Variants in PCCA observed in about 807,000 individuals in gnomAD.
The protein encoded by PCCA is propionyl-CoA carboxylase subunit alpha, also known as propionyl-CoA carboxylase alpha chain, mitochondrial.
Under a neutral mutation model 101.3 loss-of-function variants are expected in PCCA, and 74 were observed. That is an observed-to-expected ratio of 0.73 (90% CI 0.61 to 0.89). PCCA has a LOEUF of 0.89. PCCA is among the 40% of genes least tolerant of loss of function. The probability of loss-of-function intolerance (pLI) is 0.00; values close to 1 mark genes in which losing one functional copy is unlikely to be tolerated. For synonymous variants in PCCA, 294 were observed against 313.6 expected (o/e 0.94, Z 0.66); for missense variants, 891 against 907.0 (o/e 0.98, Z 0.23).
chr13:100,416,191 T>A (rs939494540), intron 19 of PCCA, among the ~76,000 whole-genome samples: 34 of 141,096 alleles, frequency 2.4e-4, no homozygotes, highest in African/African-American at 8.8e-4. Flanking sequence ...TAAATCATGG[T>A]TTTTTTTTTT....
intron 21 of PCCA, among the ~76,000 whole-genome samples, chr13:100,496,084 G>C (rs537811940): frequency 1.1e-3 from 166 of 152,208 alleles, no homozygotes; most frequent in Non-Finnish European, 2.0e-3. Context: ...ATCGACACAG[G>C]ACAACATTCC....
chr13:100,297,104 T>A (rs1366278798), intron 12 of PCCA, among the ~76,000 whole-genome samples: 1 of 152,224 alleles, frequency 6.6e-6, no homozygotes, highest in Non-Finnish European at 1.5e-5. Flanking sequence ...TGGGCAGGAA[T>A]AGAAATGACA....
intron 19 of PCCA, among the ~76,000 whole-genome samples, chr13:100,419,768 G>T (rs1449995417): frequency 6.6e-6 from 1 of 152,210 alleles, no homozygotes; most frequent in Non-Finnish European, 1.5e-5. Context: ...GTGAAGGAAA[G>T]AGCATGGCTG....
intron 4 of PCCA, among the ~76,000 whole-genome samples, chr13:100,153,720 A>G (rs2053603041): frequency 6.6e-6 from 1 of 152,140 alleles, no homozygotes; most frequent in Non-Finnish European, 1.5e-5. Context: ...GAACACAGGG[A>G]TATTTAGAAG....
rs2087970099 is a variant in PCCA, at chr13:100,527,761, C to G, written c.2118+9C>G. The G allele has an allele frequency of 6.2e-7, 1 of 1,600,396 alleles. No individual in the cohort carries two copies. The highest frequency in any genetic ancestry group is 1.3e-5 in the African/African-American group (1 of 74,812). ...CTGGGAAAACTGGCACGGTGAGTCC[C>G]TAAGTCCCCATCAGCCCAGGCCGGC... On this transcript the variant is annotated intron_variant, in intron 23 of 23. Transcript: ENST00000376285.
chr13:100,168,252 C>T (rs553986817), intron 6 of PCCA, among the ~76,000 whole-genome samples: 31 of 152,252 alleles, frequency 2.0e-4, no homozygotes, highest in African/African-American at 7.0e-4. Flanking sequence ...TGTCAGATAG[C>T]GTTTTACTGG....
intron 7 of PCCA, among the ~76,000 whole-genome samples, chr13:100,215,335 G>T (rs1403433090): frequency 6.6e-6 from 1 of 152,168 alleles, no homozygotes; most frequent in Non-Finnish European, 1.5e-5. Context: ...ATATAGTAGT[G>T]AACAAAAGAG....
In PCCA at chr13:100,488,519, A is replaced by G. The variant is rs967135623; in HGVS notation, c.1900-26908A>G. Reference sequence around the variant, plus strand: ...CTGGGCATAGTGGCTCACACCTGTAATCCCAATACCTTGGAGGCTGAGGCT... The same window carrying G: ...CTGGGCATAGTGGCTCACACCTGTAGTCCCAATACCTTGGAGGCTGAGGCT... On this transcript the variant is annotated intron_variant, in intron 21 of 23. Transcript: ENST00000376285. Among the ~76,000 whole-genome samples the G allele has an allele frequency of 2.6e-5, 4 of 152,216 alleles. No individual in the cohort carries two copies. In the South Asian group the frequency reaches 6.2e-4, roughly 24 times the overall value.
chr13:100,421,353 G>A (rs1015035394), intron 19 of PCCA, among the ~76,000 whole-genome samples: 2 of 152,086 alleles, frequency 1.3e-5, no homozygotes, highest in Admixed American at 1.3e-4. Flanking sequence ...GATACTCTTT[G>A]CATTTAAAAA....
chr13:100,147,644 G>C (rs576367641), intron 4 of PCCA, among the ~76,000 whole-genome samples: 34 of 152,300 alleles, frequency 2.2e-4, no homozygotes, highest in African/African-American at 8.2e-4. Flanking sequence ...GAATGCATGT[G>C]TGATAGCTTT....
intron 20 of PCCA, among the ~76,000 whole-genome samples, chr13:100,444,340 G>A (rs2080607067): frequency 6.7e-6 from 1 of 150,204 alleles, no homozygotes; most frequent in African/African-American, 2.5e-5. Context: ...GAGTAGCTCG[G>A]ATTACAGGTG....
intron 15 of PCCA, among the ~76,000 whole-genome samples, chr13:100,308,858 A>C (rs960265180): frequency 6.6e-6 from 1 of 152,300 alleles, no homozygotes; most frequent in African/African-American, 2.4e-5. Flanking sequence ...AGATTGGCTA[A>C]TATAACTGCC....
chr13:100,528,618 T>C (rs1450559495), intron 23 of PCCA, among the ~76,000 whole-genome samples: 4 of 152,150 alleles, frequency 2.6e-5, no homozygotes, highest in Non-Finnish European at 5.9e-5. Flanking sequence ...TGGTCCCGGC[T>C]GGGAGAACAG....
intron 7 of PCCA, among the ~76,000 whole-genome samples, chr13:100,221,636 C>T (rs996672123): frequency 4.6e-5 from 7 of 152,046 alleles, no homozygotes; most frequent in African/African-American, 1.7e-4. Context: ...ATTATCTGCA[C>T]TAACGACTAT....
intron 8 of PCCA, among the ~76,000 whole-genome samples, chr13:100,242,246 CAA>C (rs1431109759): frequency 6.6e-6 from 1 of 152,018 alleles, no homozygotes; most frequent in Non-Finnish European, 1.5e-5. Context: ...AAATAGTAAC[CAA>C]AAGAGAGCTG....
intron 7 of PCCA, among the ~76,000 whole-genome samples, chr13:100,226,475 C>G (rs958281389): frequency 3.3e-5 from 5 of 152,090 alleles, no homozygotes; most frequent in Non-Finnish European, 7.3e-5. Flanking sequence ...GGCGTTGACA[C>G]TAATACCACT....
At chr13:100,131,212 G>A (rs770875535) in intron 4 of PCCA, among the ~76,000 whole-genome samples, 1 of 152,190 alleles carries the variant, frequency 6.6e-6, no homozygotes, top group Non-Finnish European at 1.5e-5. Context: ...ATTCAAGCTT[G>A]TTCGGTTCAG....
At chr13:100,136,750 A>G (rs1488543896) in intron 4 of PCCA, among the ~76,000 whole-genome samples, 1 of 152,088 alleles carries the variant, frequency 6.6e-6, no homozygotes, top group Non-Finnish European at 1.5e-5. Flanking sequence ...TTGTAGTGAT[A>G]ACCTCTTTCC....
chr13:100,524,979 A>AGATGGATGGATG (rs60116605), intron 22 of PCCA, among the ~76,000 whole-genome samples: 1,976 of 137,762 alleles, frequency 0.014, 41 homozygotes, highest in African/African-American at 0.048. Context: ...TCTGTCTCTA[A>AGATGGATGGATG]GATGGATAGA....
Sources: allele counts gnomAD v4.1 joint callset (sites outside exome capture counted in the v4.1 genomes callset), GRCh38; gene constraint gnomAD v4.1.1; transcripts MANE v1.5; gene names NCBI Gene and HGNC (gene_info 2026-07-23, HGNC 2026-07-21).